Variants in RIN3 observed in about 807,000 individuals in gnomAD.
RIN3 encodes the protein Ras and Rab interactor 3, also known as RAB5 interacting protein 3.
A neutral mutation model predicts 76.3 loss-of-function variants in RIN3; 54 were observed. That is an observed-to-expected ratio of 0.71 (90% CI 0.57 to 0.89). The LOEUF is 0.89. Among genes scored for constraint, RIN3 ranks in the 40% least tolerant of loss-of-function variants. The pLI is 0.00. For synonymous variants in RIN3, 576 were observed against 564.0 expected, an observed-to-expected ratio of 1.02 and a Z score of -0.30; for missense variants, 1,256 against 1,322.1, an observed-to-expected ratio of 0.95 and a Z score of 0.78.
intron 7 of RIN3, among the ~76,000 whole-genome samples, chr14:92,671,900 T>G (rs1888300111): frequency 6.6e-6 from 1 of 152,208 alleles, no homozygotes; most frequent in African/African-American, 2.4e-5. Context: ...AGGGGCCGCA[T>G]TGTCTAAAAA....
intron 2 of RIN3, among the ~76,000 whole-genome samples, chr14:92,576,928 G>T (rs1289509987): frequency 6.6e-6 from 1 of 152,010 alleles, no homozygotes; most frequent in Admixed American, 6.5e-5. Flanking sequence ...GCTGGGGTGA[G>T]AGTTGAAATT....
chr14:92,584,627 A>G (rs1215266336), intron 3 of RIN3, among the ~76,000 whole-genome samples: 2 of 152,040 alleles, frequency 1.3e-5, no homozygotes, highest in Non-Finnish European at 2.9e-5. Flanking sequence ...GAGAGAGGGG[A>G]CCAGCAGAAG....
At chr14:92,552,123 C>T (rs141760929) in intron 1 of RIN3, among the ~76,000 whole-genome samples, 9 of 152,330 alleles carry the variant, frequency 5.9e-5, no homozygotes, top group African/African-American at 2.2e-4. Flanking sequence ...ATGCCTTAAA[C>T]ATGAAGGGAC....
chr14:92,685,145 G>T lies in RIN3; in HGVS notation c.2626G>T (p.Val876Leu). The T allele has an allele frequency of 6.2e-7, 1 of 1,608,348 alleles. No homozygotes were observed. The highest frequency in any genetic ancestry group is 1.1e-5 in the South Asian group (1 of 90,770). ...LNKARASRSS[V>L]QDFICVSYLE... ...CAAGGCCCGGGCCTCCCGCTCCTCC[G>T]TACAGGTGAGGCCTGAGAGCGGGAG... Residue 876 changes from valine (V) to leucine (L), a missense_variant, in exon 9 of 10, where the codon GTA becomes TTA. Around this residue, in one of 3 missense-constraint regions of RIN3, gnomAD observed 218 missense variants for 174.5 expected, o/e 1.25. Transcript: ENST00000216487. The surrounding 1 kb of genome is among the most constrained non-coding windows in gnomAD (Gnocchi z 4.7).
chr14:92,652,713 C>T lies in RIN3; in HGVS notation c.1664C>T (p.Thr555Met), dbSNP rs996876936. ...CAGGACTCCTACTCCACCAGCAGCA[C>T]GGAGGAGGAGCTGGAGCAGTTCAGC... Reference protein sequence around the residue: ...TDQDSYSTSSTEEELEQFSSP... With the variant: ...TDQDSYSTSSMEEELEQFSSP... Residue 555 changes from threonine to methionine, a missense_variant, in exon 6 of 10, where the codon ACG becomes ATG. This residue lies in a region of RIN3 where 428 missense variants were observed against 521.2 expected (regional missense o/e 0.82). Transcript: ENST00000216487. The surrounding 1 kb of genome is among the most constrained non-coding windows in gnomAD (Gnocchi z 6.4). 26 of 1,613,484 alleles carry T rather than the reference C, an allele frequency of 1.6e-5. No individual in the cohort carries two copies. The highest frequency in any genetic ancestry group is 2.0e-5 in the Non-Finnish European group (24 of 1,180,032).
At chr14:92,569,369 G>A (rs1897999795) in intron 2 of RIN3, among the ~76,000 whole-genome samples, 1 of 152,254 alleles carries the variant, frequency 6.6e-6, no homozygotes, top group East Asian at 1.9e-4. Context: ...AACCAGAGAG[G>A]CAGGGCCTTG....
intron 1 of RIN3, among the ~76,000 whole-genome samples, chr14:92,552,458 AG>A (rs1897454451): frequency 6.6e-6 from 1 of 152,182 alleles, no homozygotes; most frequent in Non-Finnish European, 1.5e-5. Context: ...CTGGAAGCCC[AG>A]CCCTGGGGAG....
intron 1 of RIN3, among the ~76,000 whole-genome samples, chr14:92,542,656 G>C (rs1897154553): frequency 6.6e-6 from 1 of 152,158 alleles, no homozygotes; most frequent in Non-Finnish European, 1.5e-5. Flanking sequence ...CCCCAAATTG[G>C]AAACTACTCA....
rs1887671090 is a variant in RIN3 at position 92,656,393 on chromosome 14, C to T, written c.2027-2768C>T. Among the ~76,000 whole-genome samples the T allele has an allele frequency of 6.6e-6, 1 of 152,118 alleles. No individual in the cohort carries two copies. The highest frequency in any genetic ancestry group is 2.1e-4 in the South Asian group (1 of 4,828). ...GGAGGGCAGAGGAGAGGGGACAAGA[C>T]AGGGGGACGGCTCAGGAGGCTGCGG... On this transcript the variant is annotated intron_variant, in intron 6 of 9. Coordinates refer to ENST00000216487, the MANE Select transcript of RIN3 (RefSeq NM_024832.5). The surrounding 1 kb of genome is among the most constrained non-coding windows in gnomAD (Gnocchi z 5.2).
intron 8 of RIN3, among the ~76,000 whole-genome samples, chr14:92,680,117 T>G (rs893478596): frequency 6.6e-6 from 1 of 151,926 alleles, no homozygotes. Context: ...CAGTGTCTGG[T>G]GAGAACCCCA....
At chr14:92,531,997 C>T (rs1024869196) in intron 1 of RIN3, among the ~76,000 whole-genome samples, 7 of 150,126 alleles carry the variant, frequency 4.7e-5, no homozygotes, top group East Asian at 3.9e-4. Context: ...GGTGTGATCT[C>T]GGCTCGCTGC....
chr14:92,645,666 G>T (rs776657448), intron 5 of RIN3, among the ~76,000 whole-genome samples: 3 of 152,214 alleles, frequency 2.0e-5, no homozygotes, highest in Non-Finnish European at 4.4e-5. Flanking sequence ...GATAAAAAAT[G>T]CCCTAAAGGC....
chr14:92,544,779 A>T (rs12434555), intron 1 of RIN3, among the ~76,000 whole-genome samples: 1 of 151,768 alleles, frequency 6.6e-6, no homozygotes, highest in Non-Finnish European at 1.5e-5. Flanking sequence ...CTATGCACCC[A>T]TAATTCAGCT....
chr14:92,603,469 G>A (rs1361267900), intron 3 of RIN3, among the ~76,000 whole-genome samples: 1 of 152,176 alleles, frequency 6.6e-6, no homozygotes, highest in African/African-American at 2.4e-5. Flanking sequence ...CAACGACCCA[G>A]AGGGTGTGGG....
Position 92,652,005 on chromosome 14 carries a change from C to T in RIN3, c.956C>T (p.Ala319Val), listed in dbSNP as rs1452446612. The T allele has an allele frequency of 2.2e-6, 3 of 1,344,624 alleles. No homozygotes were observed. The highest frequency in any genetic ancestry group is 3.1e-6 in the Non-Finnish European group (3 of 963,976). The allele number at this position is 1,344,624 out of a possible 1,614,324, so 83.3% of individuals were successfully genotyped here. ...TTGCCCACCTCTCCCCCAGTGCCTGCCCCCCACGTCACACCCCATGCCCCA... is the reference window on the plus strand; with the variant it reads ...TTGCCCACCTCTCCCCCAGTGCCTGTCCCCCACGTCACACCCCATGCCCCA... ...CPLPTSPPVP[A>V]PHVTPHAPGP... The change falls in exon 6 of 10, where the codon GCC becomes GTC. Residue 319 changes from alanine (A) to valine (V), a missense_variant. Transcript: ENST00000216487. This position sits in a 1 kb window ranked among gnomAD's most constrained non-coding sequence, Gnocchi z 6.4.
chr14:92,607,561 A>G (rs886202082), intron 3 of RIN3, among the ~76,000 whole-genome samples: 18 of 152,304 alleles, frequency 1.2e-4, no homozygotes, highest in Non-Finnish European at 2.5e-4. Context: ...GTGAGCCGTG[A>G]TGGCACTACT....
chr14:92,588,131 G>A (rs1442276768), intron 3 of RIN3, among the ~76,000 whole-genome samples: 1 of 150,602 alleles, frequency 6.6e-6, no homozygotes, highest in East Asian at 2.0e-4. Flanking sequence ...ACATTTTAAA[G>A]GCCCCAACTC....
At chr14:92,624,700 T>C (rs1487636781) in intron 4 of RIN3, among the ~76,000 whole-genome samples, 1 of 152,180 alleles carries the variant, frequency 6.6e-6, no homozygotes. Flanking sequence ...GGGGTGAGTC[T>C]GATCTAGTTA....
intron 2 of RIN3, among the ~76,000 whole-genome samples, chr14:92,574,371 C>T (rs142048889): frequency 2.2e-4 from 34 of 152,304 alleles, no homozygotes; most frequent in African/African-American, 7.5e-4. Context: ...GGATTCTCTA[C>T]CTGGCTATGT....
Sources: allele counts gnomAD v4.1 joint callset (sites outside exome capture counted in the v4.1 genomes callset), GRCh38; gene constraint gnomAD v4.1.1; regional missense constraint gnomAD v4.1.1; non-coding constraint Gnocchi (gnomAD v3.1); transcripts MANE v1.5; gene names NCBI Gene and HGNC (gene_info 2026-07-23, HGNC 2026-07-21).